PLCD4: variants seen among roughly 807,000 people sequenced by gnomAD.
PLCD4 encodes 1-phosphatidylinositol 4,5-bisphosphate phosphodiesterase delta-4.
A neutral mutation model predicts 90.2 loss-of-function variants in PLCD4; 63 were observed. The ratio of observed to expected loss-of-function variants is 0.70; its 90% CI spans 0.57 to 0.86. The LOEUF (loss-of-function observed/expected upper bound fraction) is 0.86. Among genes scored for constraint, PLCD4 ranks in the 40% least tolerant of loss-of-function variants. PLCD4 has a pLI of 0.00. For missense variants in PLCD4, 830 were observed against 956.3 expected (o/e 0.87, Z 1.74); for synonymous variants, 294 against 356.5 (o/e 0.82, Z 1.97).
At chr2:218,633,317 C>G (rs1392291636) in intron 10 of PLCD4, 2 of 697,306 alleles carry the variant, frequency 2.9e-6, no homozygotes, top group Non-Finnish European at 5.2e-6. Flanking sequence ...AGAGCAAACA[C>G]AAGCCCAGAG....
At position 218,634,312 on chromosome 2, in the gene PLCD4, A is replaced by T; in HGVS notation, c.1723+91A>T. On this transcript the variant is annotated intron_variant, in intron 12 of 15. Transcript: ENST00000450993. The surrounding 1 kb of genome is among the most constrained non-coding windows in gnomAD (Gnocchi z 4.0). ...GTGATGGTAGGGTTGGGGAATGCTC[A>T]AGAAAATTGCTAGGCTGAGAAATGC... 1 of 1,571,832 alleles carries T rather than the reference A, an allele frequency of 6.4e-7. No individual in the cohort carries two copies. Among genetic ancestry groups the T allele is most frequent in the Non-Finnish European group, 8.6e-7 (1 of 1,158,178 alleles).
chr2:218,635,221 C>T (rs1322909078), intron 13 of PLCD4, among the ~76,000 whole-genome samples: 1 of 152,012 alleles, frequency 6.6e-6, no homozygotes, highest in Non-Finnish European at 1.5e-5. Context: ...TGAGCTATGA[C>T]TGCCCCACTG....
At chr2:218,609,014 T>C (rs832805) in intron 1 of PLCD4, among the ~76,000 whole-genome samples, 96,555 of 151,512 alleles carry the variant, frequency 0.64, 31,035 homozygotes, top group East Asian at 0.9. Flanking sequence ...GGGTGGCGGG[T>C]GCCTGTAGTC....
chr2:218,629,744 G>A, intron 8 of PLCD4, 81 bp downstream of exon 8: 1 of 1,485,494 alleles, frequency 6.7e-7, no homozygotes. Flanking sequence ...GGGGAGGGTG[G>A]AGGAGTACAG....
At chr2:218,620,226 G>A (rs1695808841) in intron 4 of PLCD4, among the ~76,000 whole-genome samples, 2 of 152,204 alleles carry the variant, frequency 1.3e-5, no homozygotes, top group Admixed American at 6.5e-5. Context: ...GTGGCCAGGT[G>A]CAGTAGCTCA....
At chr2:218,635,448 C>G (rs1330512359) in intron 13 of PLCD4, among the ~76,000 whole-genome samples, 1 of 152,134 alleles carries the variant, frequency 6.6e-6, no homozygotes, top group South Asian at 2.1e-4. Flanking sequence ...AAGTGATTCT[C>G]CCATCTGAGC....
chr2:218,615,833 C>T, intron 2 of PLCD4, 71 bp from the exon 3 acceptor site: 1 of 1,603,974 alleles, frequency 6.2e-7, no homozygotes, highest in Non-Finnish European at 8.5e-7. Flanking sequence ...GGTTGGACCC[C>T]TGTTCCAGAG....
chr2:218,631,620 A>G (rs758793558), intron 9 of PLCD4, among the ~76,000 whole-genome samples: 2 of 151,812 alleles, frequency 1.3e-5, no homozygotes, highest in Non-Finnish European at 2.9e-5. Flanking sequence ...CATAGTGAAA[A>G]CCCATCTCTA....
intron 1 of PLCD4, among the ~76,000 whole-genome samples, chr2:218,611,623 G>C (rs1695335078): frequency 6.6e-6 from 1 of 152,048 alleles, no homozygotes; most frequent in African/African-American, 2.4e-5. Context: ...GTTTTTGAGA[G>C]AGTCTCACTC....
chr2:218,619,136 C>A (rs1057415666), intron 4 of PLCD4, among the ~76,000 whole-genome samples: 1 of 152,036 alleles, frequency 6.6e-6, no homozygotes, highest in African/African-American at 2.4e-5. Context: ...TGGGAAGCAA[C>A]CTCTTAGAAG....
chr2:218,634,594 C>CA lies in PLCD4; in HGVS notation c.1861dup (p.Ile621AsnfsTer60). On this transcript the variant is annotated frameshift_variant, in exon 13 of 16. Coordinates refer to ENST00000450993, the MANE Select transcript of PLCD4 (RefSeq NM_032726.4). LOFTEE classifies it high-confidence loss of function. The surrounding 1 kb of genome is among the most constrained non-coding windows in gnomAD (Gnocchi z 4.0). Reference sequence around the variant, plus strand: ...AGAGTTCTTTCCACCCTGAGAAGCCCATCAGCCCTTTCAAAGCCCAGACTC... The same window carrying CA: ...AGAGTTCTTTCCACCCTGAGAAGCCCAATCAGCCCTTTCAAAGCCCAGACTC... The CA allele has an allele frequency of 3.1e-6, 5 of 1,614,016 alleles. No individual in the cohort carries two copies. In the South Asian group the frequency reaches 5.5e-5, roughly 18 times the overall value.
At chr2:218,610,440 G>A (rs1479344340) in intron 1 of PLCD4, among the ~76,000 whole-genome samples, 3 of 151,914 alleles carry the variant, frequency 2.0e-5, no homozygotes, top group Non-Finnish European at 2.9e-5. Context: ...CCCAGGAGGC[G>A]GAGGTTGCAG....
chr2:218,615,121 G>A (rs1018836454), intron 1 of PLCD4, among the ~76,000 whole-genome samples: 3 of 152,070 alleles, frequency 2.0e-5, no homozygotes, highest in Non-Finnish European at 4.4e-5. Context: ...CCAGCTACTC[G>A]GGAGGCCGAG....
Position 218,634,672 on chromosome 2 carries a change from G to A in PLCD4, c.1896+42G>A. ...CTGTTGGGAAGAAACTGAGATAACTGGGATAGAAGTGAGGGAAGAGGTGGC... is the reference window on the plus strand; with the variant it reads ...CTGTTGGGAAGAAACTGAGATAACTAGGATAGAAGTGAGGGAAGAGGTGGC... On this transcript the variant is annotated intron_variant, in intron 13 of 15. Coordinates refer to ENST00000450993, the MANE Select transcript of PLCD4 (RefSeq NM_032726.4). This position sits in a 1 kb window ranked among gnomAD's most constrained non-coding sequence, Gnocchi z 4.0. The A allele has an allele frequency of 6.3e-7, 1 of 1,597,872 alleles. No individual in the cohort carries two copies. Among genetic ancestry groups the A allele is most frequent in the Non-Finnish European group, 8.6e-7 (1 of 1,169,190 alleles).
At chr2:218,618,851 A>G (rs945098119) in intron 4 of PLCD4, 44 bp downstream of exon 4, 16 of 1,528,112 alleles carry the variant, frequency 1.0e-5, no homozygotes, top group Middle Eastern at 3.4e-4. Context: ...GGATCACGCT[A>G]TCCCTGAAGG....
In PLCD4 at chr2:218,635,942, G is replaced by C. The variant is rs974788795; in HGVS notation, c.2032+11G>C. 6.2e-7 allele frequency: 1 copy of C among 1,613,892 alleles called. No homozygotes were observed. The highest frequency in any genetic ancestry group is 8.5e-7 in the Non-Finnish European group (1 of 1,179,908). ...ATGTGGAGAACAATGGTGAGAAACT[G>C]GCAGTGCTGGGGAGGTGGGGGTAGG... On this transcript the variant is annotated intron_variant, in intron 14 of 15. Transcript: ENST00000450993.
intron 9 of PLCD4, 70 bp downstream of exon 9, chr2:218,630,872 C>T: frequency 1.4e-6 from 2 of 1,460,042 alleles, no homozygotes; most frequent in African/African-American, 1.4e-5. Flanking sequence ...GCTCCTTCCT[C>T]TATGCCCCTC....
At chr2:218,611,980 G>GT (rs1434810394) in intron 1 of PLCD4, among the ~76,000 whole-genome samples, 1 of 151,564 alleles carries the variant, frequency 6.6e-6, no homozygotes, top group Non-Finnish European at 1.5e-5. Flanking sequence ...CCAGGTTAGA[G>GT]TGCAGTGGTG....
At chr2:218,614,192 T>C (rs1695474954) in intron 1 of PLCD4, among the ~76,000 whole-genome samples, 1 of 151,830 alleles carries the variant, frequency 6.6e-6, no homozygotes. Flanking sequence ...GCTAATTTTT[T>C]GTATTTTTAG....
Sources: gnomAD v4.1 joint callset for allele counts (sites outside exome capture counted in the v4.1 genomes callset) on GRCh38, gnomAD v4.1.1 for gene constraint, Gnocchi (gnomAD v3.1) non-coding constraint, MANE v1.5 for transcripts, NCBI Gene and HGNC (gene_info 2026-07-23, HGNC 2026-07-21) for gene names.